The following LANCL1 variants were observed in gnomAD, a reference collection of about 807,000 sequenced individuals.
LANCL1 encodes glutathione S-transferase LANCL1.
LANCL1 carries 50 observed loss-of-function variants against 50.6 expected under a neutral mutation model. That is an observed-to-expected ratio of 0.99 (90% CI 0.79 to 1.25). LANCL1 has a LOEUF of 1.25. Among genes scored for constraint, LANCL1 ranks in the 50% most tolerant of loss-of-function variants. The pLI is 0.00. For synonymous variants in LANCL1, 188 were observed against 178.6 expected, an observed-to-expected ratio of 1.05 and a Z score of -0.42; for missense variants, 532 against 480.7, an observed-to-expected ratio of 1.11 and a Z score of -1.00.
intron 4 of LANCL1, among the ~76,000 whole-genome samples, chr2:210,449,192 T>C (rs1693437069): frequency 6.6e-6 from 1 of 152,152 alleles, no homozygotes; most frequent in Admixed American, 6.5e-5. Context: ...GCAAGGCTGG[T>C]TCAACATACA....
At chr2:210,474,194 TTC>T (rs1266204805) in intron 2 of LANCL1, among the ~76,000 whole-genome samples, 1 of 152,216 alleles carries the variant, frequency 6.6e-6, no homozygotes, top group Non-Finnish European at 1.5e-5. Flanking sequence ...TTCTATTTTT[TTC>T]TGACAGATGC....
At chr2:210,472,516 AG>A (rs1468628392) in intron 2 of LANCL1, among the ~76,000 whole-genome samples, 3 of 152,242 alleles carry the variant, frequency 2.0e-5, no homozygotes, top group African/African-American at 7.2e-5. Flanking sequence ...TTTAAAAAAA[AG>A]GATTTAAAAA....
Position 210,476,624 on chromosome 2 carries a change from A to G in LANCL1, c.-21T>C. The G allele has an allele frequency of 7.5e-7, 1 of 1,326,722 alleles. No homozygotes were observed. The highest frequency in any genetic ancestry group is 9.6e-7 in the Non-Finnish European group (1 of 1,038,744). 82.2% of individuals were successfully genotyped at this position (1,326,722 alleles called of 1,614,324 possible). A position where few individuals can be genotyped will look rare whatever the true frequency, so the allele number is the denominator to read the frequency against. On this transcript the variant is annotated 5_prime_UTR_variant, in exon 1 of 10. Transcript: ENST00000450366. ...CTGCCAGGGCCCTTAACCCACCCGGACAAAGAGGCCCCGTTTTGCAACCCC... is the reference window on the plus strand; with the variant it reads ...CTGCCAGGGCCCTTAACCCACCCGGGCAAAGAGGCCCCGTTTTGCAACCCC...
intron 4 of LANCL1, among the ~76,000 whole-genome samples, chr2:210,447,616 T>C (rs776314037): frequency 2.6e-5 from 4 of 152,048 alleles, no homozygotes; most frequent in Non-Finnish European, 5.9e-5. Context: ...ACCCAGCTCA[T>C]GTGCAAAGAC....
At chr2:210,465,891 G>A (rs962737192) in intron 3 of LANCL1, among the ~76,000 whole-genome samples, 3 of 152,148 alleles carry the variant, frequency 2.0e-5, no homozygotes, top group African/African-American at 7.2e-5. Context: ...GCATTAGTAA[G>A]GAAGAGAAAT....
At position 210,437,744 on chromosome 2, in the gene LANCL1, G is replaced by A. The variant is rs1480190556; in HGVS notation, c.819C>T (p.Val273=). 2 of 1,612,036 alleles carry A rather than the reference G, an allele frequency of 1.2e-6. No individual in the cohort carries two copies. The highest frequency in any genetic ancestry group is 1.3e-5 in the African/African-American group (1 of 74,856). The change falls in exon 7 of 10, where the codon GTC becomes GTT. Residue 273 remains valine (V), a synonymous_variant. Coordinates refer to ENST00000450366, the MANE Select transcript of LANCL1 (RefSeq NM_006055.3). ...CCCCAGGGGCGCCATGGCACCAATG[G>A]ACAAGCAGATCTCGATTATCACCTA... The part of the protein sequence containing the change: ...PCIGDNRDLL[V]HWCHGAPGVI...
intron 3 of LANCL1, among the ~76,000 whole-genome samples, chr2:210,467,210 C>T (rs1694091649): frequency 6.6e-6 from 1 of 152,194 alleles, no homozygotes; most frequent in South Asian, 2.1e-4. Flanking sequence ...ATGGTATGGG[C>T]ACTGACACTA....
chr2:210,441,565 A>T, intron 4 of LANCL1, 122 bp from the exon 5 acceptor site: 1 of 725,994 alleles, frequency 1.4e-6, no homozygotes, highest in Non-Finnish European at 2.2e-6. Flanking sequence ...CATATATAAT[A>T]TCTATTTATA....
chr2:210,471,824 C>G (rs2105928187), intron 3 of LANCL1, 135 bp downstream of exon 3: 1 of 759,720 alleles, frequency 1.3e-6, no homozygotes, highest in African/African-American at 1.7e-5. Context: ...GGGCACAGCA[C>G]TCTCCCAGAA....
At position 210,468,193 on chromosome 2, in the gene LANCL1, A is replaced by T. The variant is rs1694125487; in HGVS notation, c.199+3766T>A. On this transcript the variant is annotated intron_variant, in intron 3 of 9. Transcript: ENST00000450366. ...CAAAGACTTACTGAATGAAAAAAAA[A>T]AAACACAAAACTTTAAGGTGTTGTG... 3 of 152,112 alleles carry T rather than the reference A, an allele frequency of 2.0e-5. No homozygotes were observed. In the South Asian group the frequency reaches 6.2e-4, roughly 31 times the overall value. The allele number at this position is 152,112 out of a possible 1,614,324, so 9.4% of individuals were successfully genotyped here.
At chr2:210,477,200 A>C (rs528074336), upstream of LANCL1, among the ~76,000 whole-genome samples, 2 of 152,060 alleles carry the variant, frequency 1.3e-5, no homozygotes, top group Admixed American at 1.3e-4. Flanking sequence ...ACAACAACAA[A>C]AATATGCCCA....
At chr2:210,440,393 C>T (rs377405559) in intron 6 of LANCL1, among the ~76,000 whole-genome samples, 6 of 152,326 alleles carry the variant, frequency 3.9e-5, no homozygotes, top group Admixed American at 2.0e-4. Flanking sequence ...CATTTTAAAA[C>T]GCAGGGCCTT....
At chr2:210,447,375 C>G (rs1693375651) in intron 4 of LANCL1, among the ~76,000 whole-genome samples, 1 of 152,186 alleles carries the variant, frequency 6.6e-6, no homozygotes, top group Non-Finnish European at 1.5e-5. Context: ...TGGAAAGGAA[C>G]AACTGGTACC....
At position 210,476,296 on chromosome 2, in the gene LANCL1, C is replaced by T. The variant is rs1481480765; in HGVS notation, c.81+20G>A. On this transcript the variant is annotated intron_variant, in intron 2 of 9. Transcript: ENST00000450366. ...CCGTGGGGAGAGGCAGGGATGCAGG[C>T]AGACATATCCTAAACTCACCCTCCC... 6.3e-7 allele frequency: 1 copy of T among 1,582,338 alleles called. No individual in the cohort carries two copies.
At chr2:210,470,817 C>G (rs1443506328) in intron 3 of LANCL1, among the ~76,000 whole-genome samples, 1 of 152,138 alleles carries the variant, frequency 6.6e-6, no homozygotes, top group Non-Finnish European at 1.5e-5. Context: ...TGCTCAAGAT[C>G]TACTGAATCA....
chr2:210,465,487 G>A (rs938158511), intron 3 of LANCL1, among the ~76,000 whole-genome samples: 2 of 152,178 alleles, frequency 1.3e-5, no homozygotes, highest in African/African-American at 4.8e-5. Context: ...CCACTGTAAA[G>A]AATGAAAAGG....
At chr2:210,476,550 C>T in intron 1 of LANCL1, 70 bp downstream of exon 1, 2 of 1,396,412 alleles carry the variant, frequency 1.4e-6, no homozygotes, top group Non-Finnish European at 1.9e-6. Flanking sequence ...GAGTGGACCT[C>T]GGGCCCACTG....
intron 3 of LANCL1, among the ~76,000 whole-genome samples, chr2:210,467,412 C>T (rs1382401374): frequency 6.6e-6 from 1 of 152,100 alleles, no homozygotes; most frequent in Non-Finnish European, 1.5e-5. Context: ...CTTTATTTTC[C>T]TCCTCTTCCT....
At chr2:210,443,146 G>C (rs192066864) in intron 4 of LANCL1, among the ~76,000 whole-genome samples, 19 of 152,156 alleles carry the variant, frequency 1.2e-4, no homozygotes, top group Non-Finnish European at 2.2e-4. Context: ...AGACCAAAAG[G>C]GGAAGCCTCA....
Sources: allele counts gnomAD v4.1 joint callset (sites outside exome capture counted in the v4.1 genomes callset), GRCh38; gene constraint gnomAD v4.1.1; transcripts MANE v1.5; gene names NCBI Gene and HGNC (gene_info 2026-07-23, HGNC 2026-07-21).